The following KCNIP4 variants were observed in gnomAD, a reference collection of about 807,000 sequenced individuals.
KCNIP4 encodes the protein Kv channel-interacting protein 4.
In KCNIP4, 12 loss-of-function variants were observed where a neutral mutation model predicts 34.0. The observed-to-expected ratio is 0.35, with a 90% CI of 0.23 to 0.57. The LOEUF (loss-of-function observed/expected upper bound fraction) is 0.57, where lower values mean the gene tolerates loss of function less well. KCNIP4 is among the 20% of genes least tolerant of loss of function. KCNIP4 has a pLI of 0.83. For missense variants in KCNIP4, 238 were observed against 311.7 expected, an observed-to-expected ratio of 0.76 and a Z score of 1.78; for synonymous variants, 124 against 102.2, an observed-to-expected ratio of 1.21 and a Z score of -1.29.
At chr4:21,804,733 G>C (rs1265105079) in intron 1 of KCNIP4, among the ~76,000 whole-genome samples, 1 of 152,014 alleles carries the variant, frequency 6.6e-6, no homozygotes, top group African/African-American at 2.4e-5. Context: ...AAATATAAAA[G>C]GAAAACTAAG....
intron 2 of KCNIP4, among the ~76,000 whole-genome samples, chr4:20,864,401 T>C (rs1722651847): frequency 1.3e-5 from 2 of 151,198 alleles, no homozygotes; most frequent in South Asian, 4.1e-4. Context: ...GTTATATATA[T>C]ATAACATATA....
At chr4:20,826,105 A>G (rs1219398398) in intron 3 of KCNIP4, among the ~76,000 whole-genome samples, 1 of 152,136 alleles carries the variant, frequency 6.6e-6, no homozygotes, top group African/African-American at 2.4e-5. Flanking sequence ...AAAGATGTGG[A>G]AATTGCAAGA....
At chr4:21,139,060 T>C (rs1751733107) in intron 1 of KCNIP4, among the ~76,000 whole-genome samples, 1 of 152,224 alleles carries the variant, frequency 6.6e-6, no homozygotes, top group Admixed American at 6.5e-5. Flanking sequence ...GCCAATACAA[T>C]CACTCCACTC....
intron 1 of KCNIP4, among the ~76,000 whole-genome samples, chr4:21,336,585 A>T (rs1267233161): frequency 6.6e-6 from 1 of 152,150 alleles, no homozygotes; most frequent in Non-Finnish European, 1.5e-5. Context: ...CCAACAATAC[A>T]TGACTATGTC....
intron 1 of KCNIP4, among the ~76,000 whole-genome samples, chr4:21,378,084 C>A (rs1234534283): frequency 6.6e-6 from 1 of 152,124 alleles, no homozygotes; most frequent in African/African-American, 2.4e-5. Context: ...TTTAAATTTG[C>A]TCCCGCATTG....
In KCNIP4 at chr4:21,715,090, T is replaced by TTTATTTTA. The variant is rs1553924052; in HGVS notation, c.61+233480_61+233481insTAAAATAA. Among the ~76,000 whole-genome samples the TTTATTTTA allele has an allele frequency of 2.9e-4, 5 of 17,364 alleles. 2 individuals carry two copies. The highest frequency in any genetic ancestry group is 3.9e-4 in the Non-Finnish European group (5 of 12,682). The allele number at this position is 17,364 out of a possible 152,430, so 11.4% of individuals were successfully genotyped here. A position where few individuals can be genotyped will look rare whatever the true frequency, so the allele number is the denominator to read the frequency against. On this transcript the variant is annotated intron_variant, in intron 1 of 8. Transcript: ENST00000382152. ...TTTTATTTTATTTTATTTTATTTTA[T>TTTATTTTA]TTATTTTTGAGATGGAGTCTGGCTG...
At chr4:21,633,074 T>G (rs1367865765) in intron 1 of KCNIP4, among the ~76,000 whole-genome samples, 1 of 152,188 alleles carries the variant, frequency 6.6e-6, no homozygotes, top group Non-Finnish European at 1.5e-5. Context: ...TTTGGCAAAT[T>G]TATACCTATC....
chr4:20,809,245 T>C (rs1053611112), intron 3 of KCNIP4, among the ~76,000 whole-genome samples: 2 of 152,198 alleles, frequency 1.3e-5, no homozygotes, highest in African/African-American at 4.8e-5. Flanking sequence ...GCCAGGAAAT[T>C]TTTTAAAGAA....
intron 1 of KCNIP4, among the ~76,000 whole-genome samples, chr4:21,231,756 A>G (rs998479388): frequency 6.6e-6 from 1 of 152,136 alleles, no homozygotes; most frequent in Non-Finnish European, 1.5e-5. Flanking sequence ...TCATTTGATA[A>G]AGATGTGAAG....
At chr4:21,021,131 G>T (rs1383059858) in intron 1 of KCNIP4, among the ~76,000 whole-genome samples, 4 of 152,154 alleles carry the variant, frequency 2.6e-5, no homozygotes, top group African/African-American at 9.7e-5. Context: ...TTACTGTATT[G>T]AATACTATAG....
At chr4:21,891,662 T>C (rs919875726) in intron 1 of KCNIP4, among the ~76,000 whole-genome samples, 2 of 152,084 alleles carry the variant, frequency 1.3e-5, no homozygotes, top group African/African-American at 4.8e-5. Flanking sequence ...CATTAATCAT[T>C]TTGTGTTTTT....
chr4:21,525,701 A>C (rs1357830690), intron 1 of KCNIP4, among the ~76,000 whole-genome samples: 1 of 152,030 alleles, frequency 6.6e-6, no homozygotes, highest in Non-Finnish European at 1.5e-5. Flanking sequence ...GGTTGTTTTA[A>C]ATTGGGGATT....
intron 2 of KCNIP4, among the ~76,000 whole-genome samples, chr4:20,858,353 TGA>T (rs1230608649): frequency 2.6e-5 from 4 of 151,880 alleles, no homozygotes; most frequent in Admixed American, 1.3e-4. Flanking sequence ...TTTAGAATTG[TGA>T]GAGAATAAAT....
chr4:21,542,407 C>T (rs190223693), intron 1 of KCNIP4, among the ~76,000 whole-genome samples: 2 of 152,174 alleles, frequency 1.3e-5, no homozygotes, highest in African/African-American at 2.4e-5. Flanking sequence ...TAAAATCGAG[C>T]TTGAAAATAT....
intron 3 of KCNIP4, among the ~76,000 whole-genome samples, chr4:20,787,183 T>C (rs1221521914): frequency 6.6e-6 from 1 of 152,158 alleles, no homozygotes; most frequent in Non-Finnish European, 1.5e-5. Flanking sequence ...GTAATATCTG[T>C]CCTTTCCCAC....
intron 3 of KCNIP4, among the ~76,000 whole-genome samples, chr4:20,764,176 T>C (rs2149367733): frequency 6.6e-6 from 1 of 152,178 alleles, no homozygotes; most frequent in South Asian, 2.1e-4. Context: ...TCCATGAAAA[T>C]ATGCCCTCTA....
At chr4:21,801,811 C>A (rs969585792) in intron 1 of KCNIP4, among the ~76,000 whole-genome samples, 2 of 151,566 alleles carry the variant, frequency 1.3e-5, no homozygotes, top group African/African-American at 4.9e-5. Flanking sequence ...CTGCACAGCA[C>A]CAGGATGTAG....
intron 3 of KCNIP4, among the ~76,000 whole-genome samples, chr4:20,811,171 G>C (rs1715703060): frequency 6.6e-6 from 1 of 152,134 alleles, no homozygotes; most frequent in South Asian, 2.1e-4. Context: ...ACCTATCTTA[G>C]AGGCTTCCCT....
At chr4:21,574,197 TA>T (rs1225606796) in intron 1 of KCNIP4, among the ~76,000 whole-genome samples, 2 of 152,080 alleles carry the variant, frequency 1.3e-5, no homozygotes, top group East Asian at 1.9e-4. Context: ...CTTAGATTAA[TA>T]AAAAAATTAA....
Sources: gnomAD v4.1 joint callset for allele counts (sites outside exome capture counted in the v4.1 genomes callset) on GRCh38, gnomAD v4.1.1 for gene constraint, MANE v1.5 for transcripts, NCBI Gene and HGNC (gene_info 2026-07-23, HGNC 2026-07-21) for gene names.